The following ACAD9 variants were observed in gnomAD, a reference collection of about 807,000 sequenced individuals.
ACAD9 encodes complex I assembly factor ACAD9, mitochondrial.
In ACAD9, 53 loss-of-function variants were observed where a neutral mutation model predicts 70.2. The observed-to-expected ratio is 0.75, with a 90% CI of 0.61 to 0.95. The LOEUF (loss-of-function observed/expected upper bound fraction) is 0.95, where lower values mean the gene tolerates loss of function less well. Among genes scored for constraint, ACAD9 ranks in the 40% least tolerant of loss-of-function variants. ACAD9 has a pLI of 0.00. For synonymous variants in ACAD9, 313 were observed against 312.1 expected, an observed-to-expected ratio of 1.00 and a Z score of -0.03; for missense variants, 777 against 802.8, an observed-to-expected ratio of 0.97 and a Z score of 0.39.
At chr3:128,908,290 T>C in intron 13 of ACAD9, 26 bp downstream of exon 13, 1 of 1,613,564 alleles carries the variant, frequency 6.2e-7, no homozygotes, top group Non-Finnish European at 8.5e-7. Context: ...ACCGTGTGCT[T>C]CTCAGGTCCC....
At chr3:128,896,392 C>G (rs369353270) in intron 4 of ACAD9, 44 bp from the exon 5 acceptor site, 3 of 1,580,406 alleles carry the variant, frequency 1.9e-6, no homozygotes, top group African/African-American at 1.3e-5. Flanking sequence ...TCATGCTCTC[C>G]TTTCTCCCCA....
intron 3 of ACAD9, among the ~76,000 whole-genome samples, 158 bp downstream of exon 3, chr3:128,893,814 T>C (rs1472511019): frequency 1.3e-5 from 2 of 152,218 alleles, no homozygotes; most frequent in African/African-American, 4.8e-5. Flanking sequence ...GGAAGTGTTC[T>C]CGGGTCCTGT....
intron 5 of ACAD9, 146 bp from the exon 6 acceptor site, chr3:128,897,486 T>C (rs1379916706): frequency 8.2e-6 from 6 of 732,826 alleles, no homozygotes; most frequent in Non-Finnish European, 1.4e-5. Context: ...ATCCTGCAGC[T>C]TGGAAAGCTG....
In ACAD9 at chr3:128,909,966, A is replaced by G. The variant is rs6797917; in HGVS notation, c.1564-55A>G. 37,306 of 1,603,790 alleles carry G rather than the reference A, an allele frequency of 0.023. 1,381 individuals are homozygous for G. Among genetic ancestry groups the G allele is most frequent in the African/African-American group, 0.12 (9,041 of 74,994 alleles). ...CAAAGATGCAGCCCAGGGAGGGACC[A>G]TGTGGGGGACTGGTCTAGGTAGTGA... On this transcript the variant is annotated intron_variant, in intron 15 of 17. Transcript: ENST00000308982.
At chr3:128,901,903 A>G in intron 8 of ACAD9, among the ~76,000 whole-genome samples, 1 of 152,136 alleles carries the variant, frequency 6.6e-6, no homozygotes, top group East Asian at 1.9e-4. Context: ...CTTTTACTTT[A>G]TGTCCCTATG....
chr3:128,900,325 C>T (rs1935699346), intron 7 of ACAD9, among the ~76,000 whole-genome samples: 1 of 152,134 alleles, frequency 6.6e-6, no homozygotes, highest in Admixed American at 6.5e-5. Flanking sequence ...GCAAGCTCCG[C>T]CTCCCGGGTT....
chr3:128,886,485 G>C (rs1935252687), intron 2 of ACAD9, among the ~76,000 whole-genome samples: 1 of 151,962 alleles, frequency 6.6e-6, no homozygotes, highest in Non-Finnish European at 1.5e-5. Flanking sequence ...GAGGTGGGTG[G>C]ATCACCTGAG....
intron 2 of ACAD9, among the ~76,000 whole-genome samples, chr3:128,890,843 ATTT>A (rs552712853): frequency 2.1e-5 from 3 of 143,470 alleles, no homozygotes. Flanking sequence ...TTTTAGAGCA[ATTT>A]TTTTTTTTTT....
In ACAD9 at chr3:128,906,103, C is replaced by G; in HGVS notation, c.1150-18C>G. 7.4e-6 allele frequency: 12 copies of G among 1,614,138 alleles called. No homozygotes were observed. Among genetic ancestry groups the G allele is most frequent in the Non-Finnish European group, 1.0e-5 (12 of 1,180,042 alleles). On this transcript the variant is annotated intron_variant, in intron 11 of 17. Coordinates refer to ENST00000308982, the MANE Select transcript of ACAD9 (RefSeq NM_014049.5). The stretch of plus-strand genomic sequence containing the variant: ...GTAGGTCCTCCTTTTGGAAAGGATT[C>G]AGTGTGACACCCCACAGGTGTTCAG...
intron 2 of ACAD9, among the ~76,000 whole-genome samples, chr3:128,888,543 C>CA (rs1935319520): frequency 2.0e-5 from 3 of 152,036 alleles, no homozygotes; most frequent in Non-Finnish European, 4.4e-5. Context: ...GGCGCCACTG[C>CA]ACTTCAGCCT....
At chr3:128,909,210 G>A in intron 14 of ACAD9, 111 bp downstream of exon 14, 1 of 1,596,862 alleles carries the variant, frequency 6.3e-7, no homozygotes. Context: ...GGGAAGTTGG[G>A]GAACACCAGC....
intron 2 of ACAD9, among the ~76,000 whole-genome samples, chr3:128,891,126 A>G (rs1935409277): frequency 6.6e-6 from 1 of 152,028 alleles, no homozygotes; most frequent in Admixed American, 6.6e-5. Context: ...GGCTTGAGCC[A>G]CCGTGCCCGG....
Position 128,895,476 on chromosome 3 carries a change from G to A in ACAD9, c.453+60G>A, listed in dbSNP as rs150925947. 179 of 1,468,298 alleles carry A rather than the reference G, an allele frequency of 1.2e-4. No homozygotes were observed. The African/African-American group carries it at 2.4e-3, about 19-fold the overall frequency. 91.0% of individuals were successfully genotyped at this position (1,468,298 alleles called of 1,614,324 possible). A position where few individuals can be genotyped will look rare whatever the true frequency, so the allele number is the denominator to read the frequency against. ...GTAGGTCTTCTGGAGTCACATGGAG[G>A]CATAGAGGCCAGAGGCTTGCTCCCT... On this transcript the variant is annotated intron_variant, in intron 4 of 17. Transcript: ENST00000308982.
At position 128,879,928 on chromosome 3, in the gene ACAD9, C is replaced by T. The variant is rs111805092; in HGVS notation, c.150+87C>T. On this transcript the variant is annotated intron_variant, in intron 1 of 17. Coordinates refer to ENST00000308982, the MANE Select transcript of ACAD9 (RefSeq NM_014049.5). ...GACTGGTGTTGAACTTTGTGAGATT[C>T]CCCAAACCTGCCAGAGAGATACACC... The T allele has an allele frequency of 0.011, 17,051 of 1,603,592 alleles. 105 individuals carry two copies. The highest frequency in any genetic ancestry group is 0.013 in the Non-Finnish European group (15,357 of 1,175,338).
chr3:128,890,820 T>A (rs1935398814), intron 2 of ACAD9, among the ~76,000 whole-genome samples: 1 of 151,926 alleles, frequency 6.6e-6, no homozygotes, highest in Admixed American at 6.6e-5. Flanking sequence ...AATTCTTAAA[T>A]GGTTGGTTTA....
chr3:128,903,619 A>T (rs1424942840), intron 9 of ACAD9, among the ~76,000 whole-genome samples: 2 of 152,170 alleles, frequency 1.3e-5, no homozygotes, highest in Non-Finnish European at 1.5e-5. Context: ...CAGCCTGAGT[A>T]TTCAAGCCAG....
chr3:128,887,076 C>T (rs764026531), intron 2 of ACAD9, among the ~76,000 whole-genome samples: 24 of 152,000 alleles, frequency 1.6e-4, no homozygotes, highest in African/African-American at 3.4e-4. Flanking sequence ...TAGCACGCAC[C>T]GCCACGCCTG....
intron 1 of ACAD9, among the ~76,000 whole-genome samples, chr3:128,883,483 G>A (rs1436844912): frequency 6.6e-6 from 1 of 151,896 alleles, no homozygotes; most frequent in South Asian, 2.1e-4. Context: ...TCAGCCTCCT[G>A]AGTAGCTGGG....
At chr3:128,911,184 G>A (rs1936266434) in intron 17 of ACAD9, among the ~76,000 whole-genome samples, 2 of 152,170 alleles carry the variant, frequency 1.3e-5, no homozygotes, top group Non-Finnish European at 2.9e-5. Flanking sequence ...AGCCTCCCGA[G>A]TAGCTGGGAT....
Sources: gnomAD v4.1 joint callset for allele counts (sites outside exome capture counted in the v4.1 genomes callset) on GRCh38, gnomAD v4.1.1 for gene constraint, MANE v1.5 for transcripts, NCBI Gene and HGNC (gene_info 2026-07-23, HGNC 2026-07-21) for gene names.